HS3ST4: variants seen among roughly 807,000 people sequenced by gnomAD.
The protein encoded by HS3ST4 is heparan sulfate glucosamine 3-O-sulfotransferase 4.
In HS3ST4, 17 loss-of-function variants were observed where a neutral mutation model predicts 29.2. The ratio of observed to expected loss-of-function variants is 0.58; its 90% CI spans 0.40 to 0.87. The LOEUF (loss-of-function observed/expected upper bound fraction) is 0.87, where lower values mean the gene tolerates loss of function less well. Among genes scored for constraint, HS3ST4 ranks in the 40% least tolerant of loss-of-function variants. The probability of loss-of-function intolerance (pLI) is 0.00; values close to 1 mark genes in which losing one functional copy is unlikely to be tolerated. For missense variants in HS3ST4, 627 were observed against 634.5 expected (o/e 0.99, Z 0.13); for synonymous variants, 314 against 285.7 (o/e 1.10, Z -1.00).
At chr16:25,991,245 C>G (rs1293072424) in intron 1 of HS3ST4, among the ~76,000 whole-genome samples, 1 of 152,210 alleles carries the variant, frequency 6.6e-6, no homozygotes, top group Admixed American at 6.5e-5. Flanking sequence ...GATATTTTAA[C>G]TAAGTGGAAC....
intron 1 of HS3ST4, among the ~76,000 whole-genome samples, chr16:25,799,550 T>C (rs1049652818): frequency 3.3e-5 from 5 of 152,266 alleles, no homozygotes; most frequent in African/African-American, 7.2e-5. Context: ...TTAAATGATA[T>C]CATATTATAC....
intron 1 of HS3ST4, among the ~76,000 whole-genome samples, chr16:25,733,853 T>A (rs1274652662): frequency 6.6e-6 from 1 of 152,206 alleles, no homozygotes; most frequent in Non-Finnish European, 1.5e-5. Context: ...ACGCAGTGGC[T>A]CACGCCTGTA....
chr16:25,820,284 G>A (rs906429259), intron 1 of HS3ST4, among the ~76,000 whole-genome samples: 16 of 152,090 alleles, frequency 1.1e-4, no homozygotes, highest in Non-Finnish European at 2.4e-4. Flanking sequence ...TCTGAAGAAG[G>A]CAAATCTGAG....
rs373457928 is a variant in HS3ST4 at position 26,021,551 on chromosome 16, A to G, written c.735-114061A>G. On this transcript the variant is annotated intron_variant, in intron 1 of 1. Transcript: ENST00000331351. ...ATTCATGAATACAACAGAGACCCAC[A>G]GAGATGTGAGGCTGTGAGGATGCCC... Among the ~76,000 whole-genome samples the G allele has an allele frequency of 3.9e-5, 6 of 152,236 alleles. No homozygotes were observed. The South Asian group carries it at 1.2e-3, about 32-fold the overall frequency.
chr16:25,749,434 G>A (rs570356577), intron 1 of HS3ST4, among the ~76,000 whole-genome samples: 2 of 152,218 alleles, frequency 1.3e-5, no homozygotes, highest in Non-Finnish European at 2.9e-5. Context: ...AGTTGAAGCC[G>A]CTATGAGCCA....
At chr16:25,703,594 C>G (rs1215427933) in intron 1 of HS3ST4, among the ~76,000 whole-genome samples, 1 of 152,222 alleles carries the variant, frequency 6.6e-6, no homozygotes, top group Non-Finnish European at 1.5e-5. Flanking sequence ...TGTCTTCCAG[C>G]CTCATGGGAG....
At chr16:25,904,180 A>G (rs1327963470) in intron 1 of HS3ST4, among the ~76,000 whole-genome samples, 2 of 150,990 alleles carry the variant, frequency 1.3e-5, no homozygotes, top group African/African-American at 4.9e-5. Context: ...GGATGGATGG[A>G]TGGACGGATG....
At chr16:25,821,487 G>A (rs1967155738) in intron 1 of HS3ST4, among the ~76,000 whole-genome samples, 2 of 151,928 alleles carry the variant, frequency 1.3e-5, no homozygotes, top group Non-Finnish European at 2.9e-5. Context: ...TCCTAGCTCT[G>A]CATTTGTTTG....
At chr16:25,761,923 G>A (rs149106864) in intron 1 of HS3ST4, among the ~76,000 whole-genome samples, 2,090 of 152,262 alleles carry the variant, frequency 0.014, 19 homozygotes, top group Middle Eastern at 0.031. Context: ...GAGGTTGAGT[G>A]ACTTTCTCAG....
chr16:25,950,669 G>A (rs182172414), intron 1 of HS3ST4, among the ~76,000 whole-genome samples: 4 of 152,120 alleles, frequency 2.6e-5, no homozygotes, highest in Admixed American at 1.3e-4. Flanking sequence ...TAAAGATCTA[G>A]GTTTGACACC....
At chr16:25,895,694 A>T (rs1968055307) in intron 1 of HS3ST4, among the ~76,000 whole-genome samples, 1 of 151,890 alleles carries the variant, frequency 6.6e-6, no homozygotes, top group Non-Finnish European at 1.5e-5. Context: ...TGGTTTGCAG[A>T]TGGCTGCTTC....
intron 1 of HS3ST4, among the ~76,000 whole-genome samples, chr16:26,041,599 C>G (rs1253088453): frequency 6.6e-6 from 1 of 151,774 alleles, no homozygotes. Context: ...TGTGAAAGGC[C>G]TGATAGTAAA....
At chr16:26,096,434 T>C (rs1898926566) in intron 1 of HS3ST4, among the ~76,000 whole-genome samples, 2 of 152,080 alleles carry the variant, frequency 1.3e-5, no homozygotes, top group Non-Finnish European at 2.9e-5. Context: ...GCAAGGCTGG[T>C]TCAACATATG....
intron 1 of HS3ST4, among the ~76,000 whole-genome samples, chr16:25,708,627 C>T (rs1292392195): frequency 1.3e-5 from 2 of 152,108 alleles, no homozygotes; most frequent in East Asian, 3.8e-4. Context: ...CTACATTACC[C>T]ATTTAGAATT....
chr16:25,730,462 T>C (rs979335478), intron 1 of HS3ST4, among the ~76,000 whole-genome samples: 2 of 145,504 alleles, frequency 1.4e-5, no homozygotes, highest in African/African-American at 5.1e-5. Context: ...TCTTCCTTCC[T>C]TCCTTCTCCT....
chr16:25,857,890 CTT>C (rs202117221), intron 1 of HS3ST4, among the ~76,000 whole-genome samples: 25,956 of 128,358 alleles, frequency 0.2, 3,587 homozygotes, highest in African/African-American at 0.26. Flanking sequence ...TTCTTTCTTT[CTT>C]TTTCTTTCTT....
Position 26,044,941 on chromosome 16 carries a change from G to A in HS3ST4, c.735-90671G>A, listed in dbSNP as rs185915929. 1.3e-3 allele frequency among the ~76,000 whole-genome samples: 198 copies of A among 152,286 alleles called. 1 individual carries two copies. Among genetic ancestry groups the A allele is most frequent in the Admixed American group, 3.1e-3 (48 of 15,288 alleles). On this transcript the variant is annotated intron_variant, in intron 1 of 1. Coordinates refer to ENST00000331351, the MANE Select transcript of HS3ST4 (RefSeq NM_006040.3). ...ACTGAGACACTTAAGACCCTGGACA[G>A]GATTGATTGCTGACCAGTCTACAAA...
intron 1 of HS3ST4, among the ~76,000 whole-genome samples, chr16:26,030,088 C>A (rs1360974358): frequency 6.6e-6 from 1 of 152,220 alleles, no homozygotes; most frequent in Non-Finnish European, 1.5e-5. Flanking sequence ...CAGGCTTCCT[C>A]CTTTCATGTG....
At chr16:26,074,413 G>T (rs1898636387) in intron 1 of HS3ST4, among the ~76,000 whole-genome samples, 1 of 152,178 alleles carries the variant, frequency 6.6e-6, no homozygotes, top group Admixed American at 6.5e-5. Flanking sequence ...ATTTATTGGG[G>T]GCTGGGAATG....
Sources: gnomAD v4.1 joint callset for allele counts (sites outside exome capture counted in the v4.1 genomes callset) on GRCh38, gnomAD v4.1.1 for gene constraint, MANE v1.5 for transcripts, NCBI Gene and HGNC (gene_info 2026-07-23, HGNC 2026-07-21) for gene names.